Variants in CLASP2 observed in about 807,000 individuals in gnomAD.
The protein encoded by CLASP2 is cytoplasmic linker associated protein 2, also known as CLIP-associating protein 2.
In CLASP2, 47 loss-of-function variants were observed where a neutral mutation model predicts 194.4. The observed-to-expected ratio is 0.24, with a 90% CI of 0.19 to 0.31. The LOEUF (loss-of-function observed/expected upper bound fraction) is 0.31. Among genes scored for constraint, CLASP2 ranks in the 10% least tolerant of loss-of-function variants. CLASP2 has a pLI of 1.00. For missense variants in CLASP2, 1,445 were observed against 1,823.6 expected, an observed-to-expected ratio of 0.79 and a Z score of 3.78; for synonymous variants, 619 against 633.5, an observed-to-expected ratio of 0.98 and a Z score of 0.34.
chr3:33,663,048 T>C (rs1013983433), intron 7 of CLASP2, among the ~76,000 whole-genome samples: 3 of 152,044 alleles, frequency 2.0e-5, no homozygotes, highest in Non-Finnish European at 4.4e-5. Context: ...ACAGATATAA[T>C]AGAACCCATC....
At position 33,687,006 on chromosome 3, in the gene CLASP2, A is replaced by G. The variant is rs375082041; in HGVS notation, c.546+54T>C. The G allele has an allele frequency of 2.1e-4, 217 of 1,037,714 alleles. 1 individual carries two copies. The East Asian group carries it at 4.2e-3, about 20-fold the overall frequency. 64.3% of individuals were successfully genotyped at this position (1,037,714 alleles called of 1,614,324 possible). Reference sequence around the variant, plus strand: ...TTAAAAATAGAATAAGAGGACTAGAAAAGAAATGGTAGCCAAAAAATCAGT... The same window carrying G: ...TTAAAAATAGAATAAGAGGACTAGAGAAGAAATGGTAGCCAAAAAATCAGT... On this transcript the variant is annotated intron_variant, in intron 5 of 38. Transcript: ENST00000682230.
intron 29 of CLASP2, among the ~76,000 whole-genome samples, chr3:33,556,079 A>G (rs2060870626): frequency 6.6e-6 from 1 of 152,248 alleles, no homozygotes; most frequent in Admixed American, 6.5e-5. Flanking sequence ...TGTGAAACCC[A>G]GAAAAAGAGG....
At chr3:33,704,303 A>G (rs1346362749) in intron 1 of CLASP2, among the ~76,000 whole-genome samples, 1 of 152,176 alleles carries the variant, frequency 6.6e-6, no homozygotes, top group Non-Finnish European at 1.5e-5. Context: ...CTGACAGTGG[A>G]GGAGGCTGTG....
chr3:33,697,857 C>T (rs2092063412), intron 1 of CLASP2, among the ~76,000 whole-genome samples: 3 of 152,150 alleles, frequency 2.0e-5, no homozygotes. Context: ...TGACAGAGGA[C>T]AGGAGGAAAA....
At chr3:33,643,541 A>C (rs547794618) in intron 8 of CLASP2, among the ~76,000 whole-genome samples, 18 of 151,990 alleles carry the variant, frequency 1.2e-4, no homozygotes, top group Non-Finnish European at 2.5e-4. Flanking sequence ...AATCTAAAGT[A>C]TAGATTACTT....
intron 37 of CLASP2, among the ~76,000 whole-genome samples, chr3:33,508,650 T>G (rs1210117990): frequency 6.6e-6 from 1 of 152,180 alleles, no homozygotes; most frequent in Non-Finnish European, 1.5e-5. Flanking sequence ...TGTAAGTCAA[T>G]AATTTCTTCT....
chr3:33,697,004 G>T, intron 1 of CLASP2, 71 bp from the exon 2 acceptor site: 2 of 844,010 alleles, frequency 2.4e-6, no homozygotes, highest in South Asian at 1.6e-5. Context: ...TTTAATTTTT[G>T]ACATATAAAA....
chr3:33,633,764 T>C (rs1042499464), intron 8 of CLASP2, among the ~76,000 whole-genome samples: 2 of 152,096 alleles, frequency 1.3e-5, no homozygotes, highest in African/African-American at 4.8e-5. Context: ...TTTAAATTTT[T>C]TAAATAATTA....
chr3:33,552,767 T>C (rs950026006), intron 29 of CLASP2, among the ~76,000 whole-genome samples: 3 of 152,212 alleles, frequency 2.0e-5, no homozygotes, highest in Admixed American at 2.0e-4. Context: ...CACAATATTA[T>C]GAACTATGGT....
intron 7 of CLASP2, chr3:33,658,916 G>A (rs573026598): frequency 1.6e-4 from 234 of 1,419,304 alleles, no homozygotes; most frequent in Non-Finnish European, 2.1e-4. Flanking sequence ...GCAAATGATC[G>A]TCACCTTAAA....
chr3:33,501,461 C>A (rs970480213), intron 38 of CLASP2, among the ~76,000 whole-genome samples, 191 bp downstream of exon 38: 6 of 152,066 alleles, frequency 3.9e-5, no homozygotes, highest in Admixed American at 2.0e-4. Flanking sequence ...GCTGACTTCA[C>A]CTGAGTGAAC....
rs548789620 is a variant in CLASP2 at position 33,517,087 on chromosome 3, G to A, written c.3875C>T (p.Ala1292Val). ...TGTCAGTTTCATAAGTTCATAGAGGGCAATTTTTCTTTCTTCTACACGCTC... is the reference window on the plus strand; with the variant it reads ...TGTCAGTTTCATAAGTTCATAGAGGACAATTTTTCTTTCTTCTACACGCTC... ...HNERVEERKI[A>V]LYELMKLTQE... The change falls in exon 35 of 39, where the codon GCC (alanine) becomes GTC (valine). Residue 1292 changes from alanine (A) to valine (V), a missense_variant. Ala to Val is a moderately conservative substitution (Grantham distance 64). Around this residue, in one of 4 missense-constraint regions of CLASP2, gnomAD observed 732 missense variants for 987.9 expected, o/e 0.74. Coordinates refer to ENST00000682230, the MANE Select transcript of CLASP2 (RefSeq NM_001365631.1). The A allele has an allele frequency of 6.2e-7, 1 of 1,613,442 alleles. No homozygotes were observed. The highest frequency in any genetic ancestry group is 1.3e-5 in the African/African-American group (1 of 75,008).
intron 12 of CLASP2, among the ~76,000 whole-genome samples, chr3:33,613,451 G>A (rs1413838322): frequency 1.3e-5 from 2 of 152,192 alleles, no homozygotes; most frequent in South Asian, 2.1e-4. Context: ...TAAGACACTG[G>A]CAACAGAAGG....
intron 10 of CLASP2, 84 bp from the exon 11 acceptor site, chr3:33,622,364 A>G (rs1034076981): frequency 1.9e-6 from 2 of 1,048,208 alleles, no homozygotes; most frequent in Non-Finnish European, 2.6e-6. Context: ...TTCAAACAAA[A>G]ACTTTCTAAT....
At chr3:33,653,969 A>G (rs2083672335) in intron 7 of CLASP2, among the ~76,000 whole-genome samples, 2 of 152,210 alleles carry the variant, frequency 1.3e-5, no homozygotes, top group Admixed American at 6.5e-5. Flanking sequence ...AGCATCTAAA[A>G]AATCACAATG....
rs189162188 is a variant in CLASP2, at chr3:33,655,854, C to T, written c.715+7591G>A. Among the ~76,000 whole-genome samples, 379 of 152,218 alleles carry T rather than the reference C, an allele frequency of 2.5e-3. 1 individual carries two copies. Among genetic ancestry groups the T allele is most frequent in the Non-Finnish European group, 2.0e-3 (136 of 67,998 alleles). On this transcript the variant is annotated intron_variant, in intron 7 of 38. Transcript: ENST00000682230. ...ACTTTTATATATATTTTTAAAGACT[C>T]ATTTTTGGAATAATAGACTGTGCTG... is the stretch of plus-strand genomic sequence containing the variant.
chr3:33,576,452 GAC>G, intron 23 of CLASP2, 177 bp from the exon 24 acceptor site: 1 of 551,564 alleles, frequency 1.8e-6, no homozygotes, highest in Non-Finnish European at 3.3e-6. Context: ...AAAGGGTAAA[GAC>G]AATTAAAATT....
chr3:33,511,362 T>C (rs1339129411), intron 36 of CLASP2, among the ~76,000 whole-genome samples: 2 of 152,098 alleles, frequency 1.3e-5, no homozygotes, highest in African/African-American at 2.4e-5. Context: ...TTAAATCAAA[T>C]TGTGGTCTAG....
chr3:33,573,423 A>T, intron 24 of CLASP2, 69 bp from the exon 25 acceptor site: 1 of 1,479,896 alleles, frequency 6.8e-7, no homozygotes, highest in South Asian at 1.2e-5. Context: ...ATTTCTACTG[A>T]CCACAAAAGG....
Sources: allele counts gnomAD v4.1 joint callset (sites outside exome capture counted in the v4.1 genomes callset), GRCh38; gene constraint gnomAD v4.1.1; regional missense constraint gnomAD v4.1.1; transcripts MANE v1.5; gene names NCBI Gene and HGNC (gene_info 2026-07-23, HGNC 2026-07-21).